The following MRPL45 variants were observed in gnomAD, a reference collection of about 807,000 sequenced individuals.
MRPL45 encodes the protein mitochondrial ribosomal protein L45, also known as large ribosomal subunit protein mL45.
In MRPL45, 20 loss-of-function variants were observed where a neutral mutation model predicts 38.1. That is an observed-to-expected ratio of 0.53 (90% CI 0.37 to 0.76). The LOEUF (loss-of-function observed/expected upper bound fraction) is 0.76, where lower values mean the gene tolerates loss of function less well. MRPL45 is among the 30% of genes least tolerant of loss of function. MRPL45 has a pLI of 0.00. For missense variants in MRPL45, 337 were observed against 395.6 expected, an observed-to-expected ratio of 0.85 and a Z score of 1.26; for synonymous variants, 105 against 128.8, an observed-to-expected ratio of 0.82 and a Z score of 1.25.
At chr17:38,316,447 T>G (rs997950649) in intron 4 of MRPL45, among the ~76,000 whole-genome samples, 1 of 152,148 alleles carries the variant, frequency 6.6e-6, no homozygotes, top group Non-Finnish European at 1.5e-5. Flanking sequence ...TTGGACATAT[T>G]TAGGACAATT....
intron 3 of MRPL45, among the ~76,000 whole-genome samples, chr17:38,302,146 G>A (rs1479056564): frequency 7.2e-6 from 1 of 138,244 alleles, no homozygotes; most frequent in East Asian, 2.3e-4. Context: ...AAGATAACTT[G>A]GTCTGGGAGA....
chr17:38,320,132 TGGGTTTCTATC>T (rs2037215523), intron 5 of MRPL45, among the ~76,000 whole-genome samples: 1 of 151,944 alleles, frequency 6.6e-6, no homozygotes, highest in Non-Finnish European at 1.5e-5. Context: ...AAAAAGAACT[TGGGTTTCTATC>T]AGTAGAACTT....
At chr17:38,320,341 T>A (rs556866990) in intron 5 of MRPL45, among the ~76,000 whole-genome samples, 1 of 152,156 alleles carries the variant, frequency 6.6e-6, no homozygotes, top group South Asian at 2.1e-4. Context: ...TGCTGGCAGT[T>A]TGGAATGTGG....
chr17:38,312,274 G>A (rs555231752), intron 4 of MRPL45, among the ~76,000 whole-genome samples: 1 of 152,200 alleles, frequency 6.6e-6, no homozygotes, highest in Non-Finnish European at 1.5e-5. Flanking sequence ...TCGAACTCCT[G>A]ACCTCAGGTG....
At chr17:38,306,500 C>T (rs775789810) in intron 3 of MRPL45, 33 bp from the exon 4 acceptor site, 12 of 1,542,788 alleles carry the variant, frequency 7.8e-6, no homozygotes, top group Middle Eastern at 1.7e-4. Context: ...ATTGTAAGAC[C>T]TTTAGAAGTA....
Position 38,320,689 on chromosome 17 carries a change from T to C in MRPL45, c.582T>C (p.Val194=), listed in dbSNP as rs1244714654. The C allele has an allele frequency of 1.9e-6, 3 of 1,614,222 alleles. No homozygotes were observed. The South Asian group carries it at 3.3e-5, about 18-fold the overall frequency. Residue 194 remains valine (V), a synonymous_variant, in exon 6 of 8, where the codon GTT becomes GTC. Transcript: ENST00000613675. ...SFVESLEPSH[V]VQVRCSSMMN... ...TGGAATCTTTAGAGCCCTCTCATGT[T>C]GTTCAAGTTCGCTGTTCAAGTATGA...
intron 2 of MRPL45, among the ~76,000 whole-genome samples, 197 bp downstream of exon 2, chr17:38,298,823 A>C (rs902852716): frequency 1.9e-4 from 29 of 152,036 alleles, no homozygotes; most frequent in Non-Finnish European, 4.0e-4. Flanking sequence ...AGAAGGCAAG[A>C]GTGAAATTTC....
At chr17:38,302,421 A>G (rs570381289) in intron 3 of MRPL45, among the ~76,000 whole-genome samples, 1 of 126,294 alleles carries the variant, frequency 7.9e-6, no homozygotes, top group Admixed American at 9.9e-5. Flanking sequence ...CAGGAGGTGG[A>G]GGTTGCAGTG....
intron 3 of MRPL45, among the ~76,000 whole-genome samples, chr17:38,302,447 A>G (rs1405575254): frequency 3.1e-5 from 4 of 128,316 alleles, no homozygotes; most frequent in African/African-American, 1.1e-4. Context: ...AGATTGCACC[A>G]CTGCATTCCA....
rs565473875 is a variant in MRPL45 at position 38,321,206 on chromosome 17, C to T, written c.660+439C>T. Among the ~76,000 whole-genome samples, 365 of 152,290 alleles carry T rather than the reference C, an allele frequency of 2.4e-3. 1 individual carries two copies. Among genetic ancestry groups the T allele is most frequent in the Non-Finnish European group, 3.8e-3 (259 of 68,032 alleles). ...CCCAAGCTGGTCTCAGACTCCTGAG[C>T]TCAAGTGATCCACCCACCTCAGCCT... On this transcript the variant is annotated intron_variant, in intron 6 of 7. Transcript: ENST00000613675.
intron 3 of MRPL45, among the ~76,000 whole-genome samples, chr17:38,302,509 T>G (rs1226800981): frequency 2.9e-5 from 2 of 69,954 alleles, no homozygotes; most frequent in East Asian, 5.4e-4. Flanking sequence ...AAAAAAAGTT[T>G]GTTTTTTTTT....
chr17:38,308,378 G>A (rs2037074786), intron 4 of MRPL45, among the ~76,000 whole-genome samples: 1 of 151,908 alleles, frequency 6.6e-6, no homozygotes, highest in Non-Finnish European at 1.5e-5. Context: ...AAAGTGCTGG[G>A]ATTACAGATG....
intron 4 of MRPL45, among the ~76,000 whole-genome samples, chr17:38,315,987 C>G (rs778308681): frequency 5.2e-4 from 79 of 152,244 alleles, no homozygotes; most frequent in Non-Finnish European, 8.7e-4. Context: ...GTTGACCAGG[C>G]TGGTCTCGAA....
intron 3 of MRPL45, among the ~76,000 whole-genome samples, chr17:38,305,601 T>G (rs1470958923): frequency 6.7e-6 from 1 of 148,318 alleles, no homozygotes. Context: ...TTCTCCTGCC[T>G]CAGCCTCCCA....
intron 3 of MRPL45, among the ~76,000 whole-genome samples, chr17:38,303,007 C>T (rs1008440748): frequency 6.0e-5 from 9 of 151,108 alleles, no homozygotes; most frequent in Admixed American, 2.7e-4. Flanking sequence ...CGTGAGGCAC[C>T]GTGCCCAGCC....
chr17:38,322,612 T>G lies in MRPL45; in HGVS notation c.*17T>G, dbSNP rs373033177. ...CTAGCCTGATGACAAAAATGACTTC[T>G]AGGGTGAAGCCTGGGTGATGAGGCT... On this transcript the variant is annotated 3_prime_UTR_variant, in exon 8 of 8. Transcript: ENST00000613675. 1.4e-5 allele frequency: 23 copies of G among 1,600,856 alleles called. No homozygotes were observed. In the African/African-American group the frequency reaches 3.1e-4, roughly 21 times the overall value.
chr17:38,317,585 T>G (rs35128971), intron 4 of MRPL45, among the ~76,000 whole-genome samples: 8,311 of 152,070 alleles, frequency 0.055, 731 homozygotes, highest in African/African-American at 0.19. Flanking sequence ...GTTTTGTTTT[T>G]TTTTGAGACG....
chr17:38,305,146 G>C (rs2037039073), intron 3 of MRPL45, among the ~76,000 whole-genome samples: 1 of 147,146 alleles, frequency 6.8e-6, no homozygotes, highest in African/African-American at 2.5e-5. Context: ...CACCCGGCCT[G>C]TCTTTGTAAC....
At chr17:38,302,766 C>G (rs2037011750) in intron 3 of MRPL45, among the ~76,000 whole-genome samples, 1 of 150,354 alleles carries the variant, frequency 6.7e-6, no homozygotes, top group African/African-American at 2.5e-5. Flanking sequence ...GCTCTGTTAC[C>G]CAGGCTGGAG....
Sources: gnomAD v4.1 joint callset for allele counts (sites outside exome capture counted in the v4.1 genomes callset) on GRCh38, gnomAD v4.1.1 for gene constraint, MANE v1.5 for transcripts, NCBI Gene and HGNC (gene_info 2026-07-23, HGNC 2026-07-21) for gene names.